The following PCDHGA9 variants were observed in gnomAD, a reference collection of about 807,000 sequenced individuals.
PCDHGA9 encodes protocadherin gamma-A9.
PCDHGA9 carries 37 observed loss-of-function variants against 62.5 expected under a neutral mutation model. The observed-to-expected ratio is 0.59, with a 90% CI of 0.46 to 0.78. The LOEUF (loss-of-function observed/expected upper bound fraction) is 0.78. PCDHGA9 is among the 30% of genes least tolerant of loss of function. The pLI is 0.00. For missense variants in PCDHGA9, 1,138 were observed against 1,166.2 expected (o/e 0.98, Z 0.35); for synonymous variants, 459 against 484.6 (o/e 0.95, Z 0.69).
chr5:141,409,647 G>A, intron 1 of PCDHGA9: 2 of 1,613,668 alleles, frequency 1.2e-6, no homozygotes, highest in Non-Finnish European at 1.7e-6. Context: ...CCGGATTTGG[G>A]GCTCAATGGC....
chr5:141,449,900 A>G (rs2098658617), intron 1 of PCDHGA9, among the ~76,000 whole-genome samples: 2 of 151,878 alleles, frequency 1.3e-5, no homozygotes, highest in South Asian at 2.1e-4. Context: ...TATTTAGCCT[A>G]TAGTCCATAT....
intron 1 of PCDHGA9, chr5:141,440,405 CCACTG>C (rs2098176019): frequency 6.6e-6 from 1 of 152,126 alleles, no homozygotes; most frequent in South Asian, 2.1e-4. Flanking sequence ...GGCAATCGCA[CCACTG>C]CACTCCAGCC....
Position 141,489,427 on chromosome 5 carries a change from C to A in PCDHGA9, c.2425-5380C>A. ...AAAGATGACAGATCTGTTGAGCCGG[C>A]GGCTGCAATTGGGCTCTGAGGAGAA... On this transcript the variant is annotated intron_variant, in intron 1 of 3. Coordinates refer to ENST00000573521, the MANE Select transcript of PCDHGA9 (RefSeq NM_018921.3). This position sits in a 1 kb window ranked among gnomAD's most constrained non-coding sequence, Gnocchi z 4.5. The A allele has an allele frequency of 6.2e-7, 1 of 1,614,108 alleles. No individual in the cohort carries two copies. The highest frequency in any genetic ancestry group is 1.1e-5 in the South Asian group (1 of 91,086).
At chr5:141,430,551 C>T (rs2097292247) in intron 1 of PCDHGA9, 2 of 406,412 alleles carry the variant, frequency 4.9e-6, no homozygotes, top group Admixed American at 4.1e-5. Context: ...CCGCTGTTCA[C>T]CAATCGGGGA....
Position 141,476,017 on chromosome 5 carries a change from G to C in PCDHGA9, c.2425-18790G>C. The C allele has an allele frequency of 1.5e-6, 2 of 1,369,942 alleles. No individual in the cohort carries two copies. The highest frequency in any genetic ancestry group is 2.0e-6 in the Non-Finnish European group (2 of 1,015,658). The allele number at this position is 1,369,942 out of a possible 1,614,324, so 84.9% of individuals were successfully genotyped here. A position where few individuals can be genotyped will look rare whatever the true frequency, so the allele number is the denominator to read the frequency against. On this transcript the variant is annotated intron_variant, in intron 1 of 3. Coordinates refer to ENST00000573521, the MANE Select transcript of PCDHGA9 (RefSeq NM_018921.3). This position sits in a 1 kb window ranked among gnomAD's most constrained non-coding sequence, Gnocchi z 7.6. ...CAACGGCATCCAGAAAGCCATGTCG[G>C]ACTCGGCGCCCAGCGCCCAAGCGCT...
Position 141,431,352 on chromosome 5 carries a change from G to C in PCDHGA9, c.2424+25976G>C. Reference sequence around the variant, plus strand: ...AAGTACCCCGAATTGGTGCTGAAACGCGCCCTGGACCGCGAAGAAAAGGCT... The same window carrying C: ...AAGTACCCCGAATTGGTGCTGAAACCCGCCCTGGACCGCGAAGAAAAGGCT... On this transcript the variant is annotated intron_variant, in intron 1 of 3. Coordinates refer to ENST00000573521, the MANE Select transcript of PCDHGA9 (RefSeq NM_018921.3). This position sits in a 1 kb window ranked among gnomAD's most constrained non-coding sequence, Gnocchi z 4.8. The C allele has an allele frequency of 6.2e-7, 1 of 1,614,044 alleles. No individual in the cohort carries two copies. The highest frequency in any genetic ancestry group is 8.5e-7 in the Non-Finnish European group (1 of 1,180,032).
Position 141,432,110 on chromosome 5 carries a change from G to T in PCDHGA9, c.2424+26734G>T, listed in dbSNP as rs768038692. The T allele has an allele frequency of 6.2e-7, 1 of 1,614,108 alleles. No homozygotes were observed. Among genetic ancestry groups the T allele is most frequent in the Non-Finnish European group, 8.5e-7 (1 of 1,180,036 alleles). ...GGCAGACACCAACGACAACCCGCCG[G>T]TCTTCCCTCAGGCCTCCTATTCCGC... On this transcript the variant is annotated intron_variant, in intron 1 of 3. Coordinates refer to ENST00000573521, the MANE Select transcript of PCDHGA9 (RefSeq NM_018921.3). The surrounding 1 kb of genome is among the most constrained non-coding windows in gnomAD (Gnocchi z 6.0).
At chr5:141,424,746 T>TTA (rs1392854638) in intron 1 of PCDHGA9, 1 of 152,214 alleles carries the variant, frequency 6.6e-6, no homozygotes, top group Non-Finnish European at 1.5e-5. Flanking sequence ...CTTTCTTTCT[T>TTA]TATAAGGTCA....
In PCDHGA9 at chr5:141,404,077, C is replaced by T; in HGVS notation, c.1125C>T (p.Asp375=). ...VILLFNAHDR[D]SGKNGQVVCS... ...TTCTTTTCAATGCTCATGACCGAGA[C>T]TCCGGGAAGAATGGTCAAGTTGTCT... The change falls in exon 1 of 4, where the codon GAC becomes GAT. Residue 375 remains aspartate (D), a synonymous_variant. Transcript: ENST00000573521. The T allele has an allele frequency of 6.2e-7, 1 of 1,613,742 alleles. No individual in the cohort carries two copies. The highest frequency in any genetic ancestry group is 2.2e-5 in the East Asian group (1 of 44,872).
At chr5:141,415,083 G>A (rs747351388) in intron 1 of PCDHGA9, 4 of 1,613,514 alleles carry the variant, frequency 2.5e-6, no homozygotes, top group Non-Finnish European at 3.4e-6. Context: ...CGCGAGCCCT[G>A]CTGGACAGAG....
chr5:141,428,846 A>G (rs936271540), intron 1 of PCDHGA9: 1 of 143,414 alleles, frequency 7.0e-6, no homozygotes, highest in Non-Finnish European at 1.5e-5. Flanking sequence ...CATTTTCACC[A>G]TTTTTACGGG....
rs1488305057 is a variant in PCDHGA9, at chr5:141,477,736, C to G, written c.2425-17071C>G. 6.2e-7 allele frequency: 1 copy of G among 1,613,790 alleles called. No homozygotes were observed. The highest frequency in any genetic ancestry group is 1.1e-5 in the South Asian group (1 of 91,088). On this transcript the variant is annotated intron_variant, in intron 1 of 3. Coordinates refer to ENST00000573521, the MANE Select transcript of PCDHGA9 (RefSeq NM_018921.3). This position sits in a 1 kb window ranked among gnomAD's most constrained non-coding sequence, Gnocchi z 4.9. ...AATTTGAATTAACAGCTCATATCAG[C>G]GATGGGGGCACCCCGGTCCTAGCCA...
rs2099694919 is a variant in PCDHGA9, at chr5:141,490,016, C to T, written c.2425-4791C>T. The T allele has an allele frequency of 6.2e-7, 1 of 1,614,158 alleles. No individual in the cohort carries two copies. The highest frequency in any genetic ancestry group is 8.5e-7 in the Non-Finnish European group (1 of 1,180,060). On this transcript the variant is annotated intron_variant, in intron 1 of 3. Transcript: ENST00000573521. This position sits in a 1 kb window ranked among gnomAD's most constrained non-coding sequence, Gnocchi z 5.4. ...ATCCCAGAGAATGCACCCATTGGTACTCTGCTGCTCCGCCTCAATGCCACT... is the reference window on the plus strand; with the variant it reads ...ATCCCAGAGAATGCACCCATTGGTATTCTGCTGCTCCGCCTCAATGCCACT...
rs776854254 is a variant in PCDHGA9 at position 141,487,285 on chromosome 5, C to T, written c.2425-7522C>T. On this transcript the variant is annotated intron_variant, in intron 1 of 3. Coordinates refer to ENST00000573521, the MANE Select transcript of PCDHGA9 (RefSeq NM_018921.3). This position sits in a 1 kb window ranked among gnomAD's most constrained non-coding sequence, Gnocchi z 5.0. The stretch of plus-strand genomic sequence containing the variant: ...CCCTAGTGGCAATTTGCTTTGTCTC[C>T]TTTGGCTCATTCGTGGCACTACTCT... 8 of 1,614,148 alleles carry T rather than the reference C, an allele frequency of 5.0e-6. No homozygotes were observed. The highest frequency in any genetic ancestry group is 6.8e-6 in the Non-Finnish European group (8 of 1,180,036).
Position 141,489,341 on chromosome 5 carries a change from CAGT to C in PCDHGA9, c.2425-5465_2425-5463del. The stretch of plus-strand genomic sequence containing the variant: ...TGGGTGTCTGGGCAGCTTCGTTACT[CAGT>C]GGTGGAGGAGTCTGAGCCGGGGACG... On this transcript the variant is annotated intron_variant, in intron 1 of 3. Coordinates refer to ENST00000573521, the MANE Select transcript of PCDHGA9 (RefSeq NM_018921.3). This position sits in a 1 kb window ranked among gnomAD's most constrained non-coding sequence, Gnocchi z 4.5. The C allele has an allele frequency of 6.2e-7, 1 of 1,609,088 alleles. No homozygotes were observed. Among genetic ancestry groups the C allele is most frequent in the Non-Finnish European group, 8.5e-7 (1 of 1,176,770 alleles).
chr5:141,510,069 CCAGCAGAGTGCCTGG>C (rs994886462), intron 3 of PCDHGA9, among the ~76,000 whole-genome samples: 12 of 152,260 alleles, frequency 7.9e-5, no homozygotes, highest in Admixed American at 7.8e-4. Context: ...TGTGAAGCAT[CCAGCAGAGTGCCTGG>C]CACACAGTAG....
chr5:141,503,024 A>G (rs574653661), intron 2 of PCDHGA9, among the ~76,000 whole-genome samples: 2 of 150,210 alleles, frequency 1.3e-5, no homozygotes, highest in South Asian at 2.1e-4. Context: ...TTTTTTTTTA[A>G]TATCTATTTT....
In PCDHGA9 at chr5:141,489,335, G is replaced by A. The variant is rs138015049; in HGVS notation, c.2425-5472G>A. The A allele has an allele frequency of 8.2e-5, 132 of 1,607,244 alleles. No individual in the cohort carries two copies. The African/African-American group carries it at 1.5e-3, about 18-fold the overall frequency. On this transcript the variant is annotated intron_variant, in intron 1 of 3. Transcript: ENST00000573521. This position sits in a 1 kb window ranked among gnomAD's most constrained non-coding sequence, Gnocchi z 4.5. ...TGGGGCTGGGTGTCTGGGCAGCTTC[G>A]TTACTCAGTGGTGGAGGAGTCTGAG...
intron 1 of PCDHGA9, among the ~76,000 whole-genome samples, chr5:141,450,968 G>A (rs756891993): frequency 5.5e-4 from 84 of 151,848 alleles, no homozygotes; most frequent in Non-Finnish European, 9.0e-4. Context: ...GGGATTACAG[G>A]CATGTGCCAC....
Sources: gnomAD v4.1 joint callset for allele counts (sites outside exome capture counted in the v4.1 genomes callset) on GRCh38, gnomAD v4.1.1 for gene constraint, Gnocchi (gnomAD v3.1) non-coding constraint, MANE v1.5 for transcripts, NCBI Gene and HGNC (gene_info 2026-07-23, HGNC 2026-07-21) for gene names.